Variants in TMEM117 observed in about 807,000 individuals in gnomAD.
The protein encoded by TMEM117 is transmembrane protein 117.
In TMEM117, 27 loss-of-function variants were observed where a neutral mutation model predicts 52.4. That is an observed-to-expected ratio of 0.51 (90% CI 0.38 to 0.71). TMEM117 has a LOEUF of 0.71. Ranked by LOEUF, TMEM117 falls within the 30% of genes least tolerant of loss-of-function variation. The pLI is 0.00. For missense variants in TMEM117, 556 were observed against 630.5 expected (o/e 0.88, Z 1.26); for synonymous variants, 215 against 206.3 (o/e 1.04, Z -0.36).
intron 3 of TMEM117, among the ~76,000 whole-genome samples, chr12:44,050,223 C>T (rs1239377031): frequency 6.6e-6 from 1 of 152,228 alleles, no homozygotes; most frequent in African/African-American, 2.4e-5. Context: ...GTCACCCAGG[C>T]TGGAGTGCAG....
At chr12:44,132,697 A>G (rs1390138602) in intron 3 of TMEM117, among the ~76,000 whole-genome samples, 1 of 151,908 alleles carries the variant, frequency 6.6e-6, no homozygotes, top group Non-Finnish European at 1.5e-5. Flanking sequence ...TTCTTCTCCT[A>G]CTCTGCAGTT....
chr12:44,354,840 G>A (rs933050588), intron 6 of TMEM117, among the ~76,000 whole-genome samples: 1 of 151,658 alleles, frequency 6.6e-6, no homozygotes, highest in African/African-American at 2.4e-5. Context: ...TGAAAACAAA[G>A]TGCTTTTAAT....
At chr12:44,069,804 G>T (rs1466948783) in intron 3 of TMEM117, among the ~76,000 whole-genome samples, 6 of 152,166 alleles carry the variant, frequency 3.9e-5, no homozygotes, top group African/African-American at 1.4e-4. Context: ...TTTTCTTATT[G>T]TTTTCTTTGA....
In TMEM117 at chr12:43,956,732, A is replaced by G. The variant is rs533366791; in HGVS notation, c.410+12390A>G. 2.0e-5 allele frequency among the ~76,000 whole-genome samples: 3 copies of G among 152,318 alleles called. No individual in the cohort carries two copies. In the East Asian group the frequency reaches 5.8e-4, roughly 29 times the overall value. ...ATGTAAATTAGTTCAACCATTGTGG[A>G]AGACAGTGTGGTGATTCCTCAAAGA... On this transcript the variant is annotated intron_variant, in intron 3 of 7. Transcript: ENST00000266534.
the TMEM117 span, among the ~76,000 whole-genome samples, chr12:43,819,585 C>A: frequency 6.6e-6 from 1 of 152,048 alleles, no homozygotes; most frequent in Non-Finnish European, 1.5e-5. Flanking sequence ...CCATCCTGAC[C>A]AACATGGTGA....
intron 2 of TMEM117, among the ~76,000 whole-genome samples, chr12:43,901,519 C>T (rs535615167): frequency 6.6e-6 from 1 of 152,228 alleles, no homozygotes. Flanking sequence ...ACTATGTTGT[C>T]CAGGCTGGTC....
At position 44,012,316 on chromosome 12, in the gene TMEM117, C is replaced by T. The variant is rs568744795; in HGVS notation, c.410+67974C>T. On this transcript the variant is annotated intron_variant, in intron 3 of 7. Coordinates refer to ENST00000266534, the MANE Select transcript of TMEM117 (RefSeq NM_032256.3). ...GTTCTGCCTGGTGTTCTGTGAGCAT[C>T]GTGGAGCTGTGGTTTGTTGTCTAAC... is the stretch of plus-strand genomic sequence containing the variant. Among the ~76,000 whole-genome samples, 8 of 151,248 alleles carry T rather than the reference C, an allele frequency of 5.3e-5. No homozygotes were observed. In the South Asian group the frequency reaches 1.5e-3, roughly 28 times the overall value.
At chr12:44,065,379 C>G (rs1388206541) in intron 3 of TMEM117, among the ~76,000 whole-genome samples, 2 of 151,868 alleles carry the variant, frequency 1.3e-5, no homozygotes, top group African/African-American at 4.8e-5. Flanking sequence ...CAGAGCGAGA[C>G]TCTGTCTCAA....
intron 2 of TMEM117, among the ~76,000 whole-genome samples, chr12:43,880,313 A>C (rs80213194): frequency 0.014 from 2,113 of 152,194 alleles, 38 homozygotes; most frequent in African/African-American, 0.049. Context: ...TGTTATTTGA[A>C]TACAATAACA....
intron 4 of TMEM117, among the ~76,000 whole-genome samples, chr12:44,153,445 A>AT (rs1444880209): frequency 2.9e-4 from 44 of 151,860 alleles, no homozygotes; most frequent in Non-Finnish European, 1.3e-4. Flanking sequence ...AATTTGTTGA[A>AT]TTTTGTCATC....
intron 4 of TMEM117, among the ~76,000 whole-genome samples, chr12:44,178,138 T>C (rs1949141556): frequency 1.3e-5 from 2 of 152,166 alleles, no homozygotes; most frequent in African/African-American, 4.8e-5. Flanking sequence ...TTTCTTAAAA[T>C]GTGGAGTTCT....
intron 3 of TMEM117, among the ~76,000 whole-genome samples, chr12:44,116,388 T>C (rs931557333): frequency 6.6e-5 from 10 of 152,174 alleles, no homozygotes; most frequent in Non-Finnish European, 1.0e-4. Flanking sequence ...CACCTACTAT[T>C]AAAACTACAA....
At chr12:44,063,041 C>A (rs1160114008) in intron 3 of TMEM117, among the ~76,000 whole-genome samples, 1 of 152,190 alleles carries the variant, frequency 6.6e-6, no homozygotes, top group Non-Finnish European at 1.5e-5. Flanking sequence ...TACGGAGACA[C>A]ACAATGTCTT....
At chr12:43,961,678 C>T (rs76876041) in intron 3 of TMEM117, among the ~76,000 whole-genome samples, 9,188 of 152,124 alleles carry the variant, frequency 0.06, 710 homozygotes, top group African/African-American at 0.18. Context: ...AAATTTGATA[C>T]AATTATGGAT....
chr12:44,387,648 T>C (rs1952107345), intron 7 of TMEM117, among the ~76,000 whole-genome samples: 2 of 152,156 alleles, frequency 1.3e-5, no homozygotes, highest in Non-Finnish European at 1.5e-5. Context: ...CAATCATACA[T>C]TGAACTTTTC....
At chr12:44,048,870 T>C (rs1946921834) in intron 3 of TMEM117, among the ~76,000 whole-genome samples, 1 of 152,234 alleles carries the variant, frequency 6.6e-6, no homozygotes, top group Non-Finnish European at 1.5e-5. Flanking sequence ...AAATATAGTA[T>C]TATAACAAAT....
At chr12:44,211,171 G>A in intron 4 of TMEM117, 119 bp from the exon 5 acceptor site, 1 of 713,870 alleles carries the variant, frequency 1.4e-6, no homozygotes, top group South Asian at 1.8e-5. Context: ...TTCTGCATAT[G>A]TTATAATGTT....
chr12:43,888,465 C>T (rs886575541), intron 2 of TMEM117, among the ~76,000 whole-genome samples: 1 of 151,966 alleles, frequency 6.6e-6, no homozygotes, highest in African/African-American at 2.4e-5. Context: ...TGAACTCATG[C>T]CCCATGGATA....
At chr12:44,219,469 T>A (rs566936964) in intron 5 of TMEM117, among the ~76,000 whole-genome samples, 1 of 152,218 alleles carries the variant, frequency 6.6e-6, no homozygotes, top group South Asian at 2.1e-4. Context: ...ATTATGGAGG[T>A]TAAGCAAGAA....
Sources: allele counts gnomAD v4.1 joint callset (sites outside exome capture counted in the v4.1 genomes callset), GRCh38; gene constraint gnomAD v4.1.1; transcripts MANE v1.5; gene names NCBI Gene and HGNC (gene_info 2026-07-23, HGNC 2026-07-21).